The following FBXL17 variants were observed in gnomAD, a reference collection of about 807,000 sequenced individuals.
The protein encoded by FBXL17 is F-box/LRR-repeat protein 17.
A neutral mutation model predicts 66.2 loss-of-function variants in FBXL17; 22 were observed. The ratio of observed to expected loss-of-function variants is 0.33; its 90% CI spans 0.24 to 0.47. The LOEUF is 0.47. FBXL17 is among the 20% of genes least tolerant of loss of function. FBXL17 has a pLI of 1.00. For missense variants in FBXL17, 878 were observed against 948.2 expected (o/e 0.93, Z 0.97); for synonymous variants, 474 against 400.5 (o/e 1.18, Z -2.19).
At chr5:108,071,057 T>C (rs1465644785) in intron 6 of FBXL17, among the ~76,000 whole-genome samples, 1 of 152,188 alleles carries the variant, frequency 6.6e-6, no homozygotes, top group African/African-American at 2.4e-5. Context: ...CTAACTGCAA[T>C]CCAAAGCACC....
intron 7 of FBXL17, among the ~76,000 whole-genome samples, chr5:107,945,215 A>G (rs986949782): frequency 1.3e-5 from 2 of 152,182 alleles, no homozygotes; most frequent in African/African-American, 4.8e-5. Context: ...AAGGAGATTC[A>G]GTTTCACAGC....
At chr5:108,364,540 A>G (rs1748540748) in intron 3 of FBXL17, among the ~76,000 whole-genome samples, 198 bp downstream of exon 3, 1 of 152,070 alleles carries the variant, frequency 6.6e-6, no homozygotes, top group South Asian at 2.1e-4. Context: ...CTCTCACTAT[A>G]AAACAAAGCA....
At chr5:107,884,237 A>G (rs1748887728) in intron 7 of FBXL17, among the ~76,000 whole-genome samples, 1 of 152,244 alleles carries the variant, frequency 6.6e-6, no homozygotes, top group South Asian at 2.1e-4. Flanking sequence ...ACTGTAGGAC[A>G]GAACAACATT....
At chr5:108,029,663 G>A (rs987958299) in intron 6 of FBXL17, among the ~76,000 whole-genome samples, 16 of 151,898 alleles carry the variant, frequency 1.1e-4, no homozygotes, top group South Asian at 2.1e-4. Flanking sequence ...GAAATATGTG[G>A]ACTATATTTA....
At chr5:108,373,402 A>T (rs1749198465) in intron 1 of FBXL17, among the ~76,000 whole-genome samples, 1 of 145,944 alleles carries the variant, frequency 6.9e-6, no homozygotes, top group Non-Finnish European at 1.5e-5. Flanking sequence ...ATATATTTAG[A>T]TATGTTATAT....
Position 108,381,005 on chromosome 5 carries a change from C to CCCGCCACCGCCGCCG in FBXL17, c.672_686dup (p.Gly227_Gly231dup), listed in dbSNP as rs1554096810. Reference sequence around the variant, plus strand: ...AAGCGCCTCCCCCCGCAGGCCCTCCCCCGCCACCGCCGCCGCCGCCGCCGC... The same window carrying CCCGCCACCGCCGCCG: ...AAGCGCCTCCCCCCGCAGGCCCTCCCCCGCCACCGCCGCCGCCGCCACCGCCGCCGCCGCCGCCGC... On this transcript the variant is annotated inframe_insertion, in exon 1 of 9. Transcript: ENST00000542267. The CCCGCCACCGCCGCCG allele has an allele frequency of 6.7e-6, 8 of 1,193,064 alleles. No individual in the cohort carries two copies. Among genetic ancestry groups the CCCGCCACCGCCGCCG allele is most frequent in the Non-Finnish European group, 8.3e-6 (8 of 963,298 alleles). 73.9% of individuals were successfully genotyped at this position (1,193,064 alleles called of 1,614,324 possible). A position where few individuals can be genotyped will look rare whatever the true frequency, so the allele number is the denominator to read the frequency against.
rs370154709 is a variant in FBXL17, at chr5:108,279,819, A to C, written c.1507-55591T>G. Among the ~76,000 whole-genome samples, 37 of 152,164 alleles carry C rather than the reference A, an allele frequency of 2.4e-4. No homozygotes were observed. The South Asian group carries it at 7.5e-3, about 31-fold the overall frequency. On this transcript the variant is annotated intron_variant, in intron 4 of 8. Transcript: ENST00000542267. ...TGGACTAAGGAATTCAATGAAGGAA[A>C]TACAAAATATATTCAAAAAATTTTA...
intron 6 of FBXL17, among the ~76,000 whole-genome samples, chr5:108,163,381 A>G (rs988923131): frequency 6.6e-6 from 1 of 151,242 alleles, no homozygotes; most frequent in East Asian, 2.0e-4. Flanking sequence ...AATGCAGGAC[A>G]TGAAAACTTT....
At chr5:108,117,421 AGT>A (rs1302902034) in intron 6 of FBXL17, among the ~76,000 whole-genome samples, 1 of 152,232 alleles carries the variant, frequency 6.6e-6, no homozygotes, top group Non-Finnish European at 1.5e-5. Flanking sequence ...AATGAAAAAG[AGT>A]GTTTTAAATA....
chr5:107,877,868 A>G (rs1748658954), intron 8 of FBXL17, among the ~76,000 whole-genome samples: 1 of 152,208 alleles, frequency 6.6e-6, no homozygotes, highest in Non-Finnish European at 1.5e-5. Flanking sequence ...TTGCTGGCAC[A>G]GATGATCACA....
chr5:107,918,562 C>A (rs968744410), intron 7 of FBXL17, among the ~76,000 whole-genome samples: 1 of 152,042 alleles, frequency 6.6e-6, no homozygotes, highest in Non-Finnish European at 1.5e-5. Context: ...AAATATGGAA[C>A]AAGAATATGG....
chr5:108,316,044 T>C (rs1252614083), intron 4 of FBXL17, among the ~76,000 whole-genome samples: 1 of 151,344 alleles, frequency 6.6e-6, no homozygotes, highest in South Asian at 2.1e-4. Flanking sequence ...TAAACAAAGG[T>C]CTTCAGTAAT....
At chr5:107,890,091 T>C (rs1318457017) in intron 7 of FBXL17, among the ~76,000 whole-genome samples, 1 of 152,112 alleles carries the variant, frequency 6.6e-6, no homozygotes, top group Non-Finnish European at 1.5e-5. Flanking sequence ...GAACCTAAAG[T>C]CCCTGGTTCA....
intron 4 of FBXL17, among the ~76,000 whole-genome samples, chr5:108,264,590 T>C (rs950618203): frequency 1.3e-5 from 2 of 152,142 alleles, no homozygotes; most frequent in African/African-American, 4.8e-5. Flanking sequence ...TAGATTTCAA[T>C]TAAAAATAAA....
At chr5:108,090,739 G>A (rs1437817783) in intron 6 of FBXL17, among the ~76,000 whole-genome samples, 1 of 152,004 alleles carries the variant, frequency 6.6e-6, no homozygotes, top group Non-Finnish European at 1.5e-5. Context: ...TTTAGCATGT[G>A]GGCCATACAA....
intron 7 of FBXL17, among the ~76,000 whole-genome samples, chr5:107,984,991 A>G (rs1435864846): frequency 6.6e-6 from 1 of 152,210 alleles, no homozygotes; most frequent in Non-Finnish European, 1.5e-5. Context: ...GGTGTATACA[A>G]TAACCTACTA....
At chr5:108,037,970 A>T (rs1746908768) in intron 6 of FBXL17, among the ~76,000 whole-genome samples, 2 of 152,202 alleles carry the variant, frequency 1.3e-5, no homozygotes, top group African/African-American at 2.4e-5. Context: ...CAAGAAATGT[A>T]ACGGAAGGAG....
At chr5:107,980,896 G>A (rs970838521) in intron 7 of FBXL17, among the ~76,000 whole-genome samples, 2 of 151,094 alleles carry the variant, frequency 1.3e-5, no homozygotes, top group Non-Finnish European at 2.9e-5. Flanking sequence ...CGCCCGCCTC[G>A]GCCTCCCAAA....
intron 6 of FBXL17, among the ~76,000 whole-genome samples, chr5:108,071,357 T>C (rs1255642370): frequency 6.6e-6 from 1 of 152,174 alleles, no homozygotes; most frequent in Non-Finnish European, 1.5e-5. Flanking sequence ...TCAAGAACAG[T>C]TGAAAAATCA....
Sources: allele counts gnomAD v4.1 joint callset (sites outside exome capture counted in the v4.1 genomes callset), GRCh38; gene constraint gnomAD v4.1.1; transcripts MANE v1.5; gene names NCBI Gene and HGNC (gene_info 2026-07-23, HGNC 2026-07-21).